The following AGPS variants were observed in gnomAD, a reference collection of about 807,000 sequenced individuals.
AGPS encodes alkylglycerone phosphate synthase, also known as alkyldihydroxyacetonephosphate synthase, peroxisomal.
In AGPS, 26 loss-of-function variants were observed where a neutral mutation model predicts 90.7. The observed-to-expected ratio is 0.29, with a 90% CI of 0.21 to 0.40. The LOEUF (loss-of-function observed/expected upper bound fraction) is 0.40. AGPS is among the 10% of genes least tolerant of loss of function. The pLI is 1.00. For synonymous variants in AGPS, 294 were observed against 285.3 expected (o/e 1.03, Z -0.31); for missense variants, 540 against 816.1 (o/e 0.66, Z 4.12).
At chr2:177,517,569 A>C (rs557958369) in intron 17 of AGPS, among the ~76,000 whole-genome samples, 38 of 152,274 alleles carry the variant, frequency 2.5e-4, no homozygotes, top group South Asian at 1.2e-3. Flanking sequence ...CTTTAAGTGC[A>C]GTATACTTAG....
At chr2:177,496,956 A>G (rs1688430943) in intron 12 of AGPS, among the ~76,000 whole-genome samples, 1 of 152,092 alleles carries the variant, frequency 6.6e-6, no homozygotes, top group African/African-American at 2.4e-5. Flanking sequence ...TATAAATGGT[A>G]TGACACCTTT....
intron 17 of AGPS, among the ~76,000 whole-genome samples, chr2:177,516,609 C>T (rs1207952771): frequency 1.3e-5 from 2 of 152,082 alleles, no homozygotes; most frequent in African/African-American, 4.8e-5. Context: ...CAATCAGGCC[C>T]ATCAAGCTTT....
chr2:177,436,640 C>T, intron 3 of AGPS, 124 bp from the exon 4 acceptor site: 1 of 891,596 alleles, frequency 1.1e-6, no homozygotes, highest in Non-Finnish European at 1.8e-6. Context: ...TTGTATTTTC[C>T]TATGCTTCAG....
At chr2:177,523,685 TTTTC>T in intron 18 of AGPS, 59 bp from the exon 19 acceptor site, 28 of 1,475,706 alleles carry the variant, frequency 1.9e-5, no homozygotes, top group Non-Finnish European at 2.7e-5. Flanking sequence ...AGTTGGGTCT[TTTTC>T]TTTCACTGCA....
At chr2:177,394,113 C>CT (rs1685102098) in intron 1 of AGPS, among the ~76,000 whole-genome samples, 1 of 152,182 alleles carries the variant, frequency 6.6e-6, no homozygotes, top group Non-Finnish European at 1.5e-5. Flanking sequence ...AGTTCCTAAG[C>CT]TATACTTGCT....
At chr2:177,464,660 AG>A (rs1334138510) in intron 9 of AGPS, among the ~76,000 whole-genome samples, 1 of 152,266 alleles carries the variant, frequency 6.6e-6, no homozygotes, top group Admixed American at 6.5e-5. Flanking sequence ...TTCTCAATTT[AG>A]TGAATGTCTC....
At chr2:177,456,985 A>T (rs1333599112) in intron 8 of AGPS, among the ~76,000 whole-genome samples, 1 of 152,216 alleles carries the variant, frequency 6.6e-6, no homozygotes, top group Non-Finnish European at 1.5e-5. Flanking sequence ...AAATCATAAC[A>T]AACAATCTCT....
chr2:177,442,590 T>C (rs915364974), intron 7 of AGPS, 104 bp downstream of exon 7: 2 of 958,582 alleles, frequency 2.1e-6, no homozygotes, highest in Non-Finnish European at 3.2e-6. Context: ...CTCACGCTTG[T>C]AATCCCAGCA....
chr2:177,518,876 G>A (rs1239944678), intron 17 of AGPS, among the ~76,000 whole-genome samples: 2 of 152,012 alleles, frequency 1.3e-5, no homozygotes, highest in Non-Finnish European at 2.9e-5. Flanking sequence ...GGAAGAAAAT[G>A]GGCGCACATA....
chr2:177,492,985 T>C (rs1257054401), intron 11 of AGPS, among the ~76,000 whole-genome samples, 163 bp from the exon 12 acceptor site: 6 of 152,214 alleles, frequency 3.9e-5, no homozygotes, highest in Non-Finnish European at 8.8e-5. Flanking sequence ...CATTGATATT[T>C]GTCTTCATAA....
chr2:177,412,524 GCTAATCGTTTTTTTAA>G (rs1386025363), intron 1 of AGPS, among the ~76,000 whole-genome samples: 2 of 152,108 alleles, frequency 1.3e-5, no homozygotes, highest in Non-Finnish European at 2.9e-5. Context: ...TGGCAGCCAC[GCTAATCGTTTTTTTAA>G]CTGGCCGACA....
chr2:177,405,737 C>G (rs987411967), intron 1 of AGPS, among the ~76,000 whole-genome samples: 4 of 145,824 alleles, frequency 2.7e-5, no homozygotes, highest in Non-Finnish European at 4.5e-5. Context: ...TCCTTCTCTT[C>G]CTAAGCTTAA....
chr2:177,486,777 A>T (rs971893747), intron 11 of AGPS, among the ~76,000 whole-genome samples: 1 of 91,566 alleles, frequency 1.1e-5, no homozygotes, highest in Admixed American at 1.4e-4. Flanking sequence ...AAATTAAGCA[A>T]CCTTATACTA....
intron 19 of AGPS, among the ~76,000 whole-genome samples, chr2:177,526,154 G>A (rs956931156): frequency 6.7e-6 from 1 of 150,292 alleles, no homozygotes; most frequent in Non-Finnish European, 1.5e-5. Context: ...CAAATAGTTA[G>A]AAAATGTTAA....
rs1008486846 is a variant in AGPS at position 177,458,778 on chromosome 2, C to T, written c.871-3115C>T. ...AGTAATTTGTAGATGCAATGCTATT[C>T]CCATCAAGCTACCACTTACTTTCTT... On this transcript the variant is annotated intron_variant, in intron 8 of 19. Coordinates refer to ENST00000264167, the MANE Select transcript of AGPS (RefSeq NM_003659.4). 2.6e-5 allele frequency among the ~76,000 whole-genome samples: 4 copies of T among 152,148 alleles called. No individual in the cohort carries two copies. In the South Asian group the frequency reaches 8.3e-4, roughly 32 times the overall value.
intron 1 of AGPS, among the ~76,000 whole-genome samples, chr2:177,403,113 T>C (rs901957622): frequency 2.6e-5 from 4 of 152,144 alleles, no homozygotes; most frequent in Non-Finnish European, 5.9e-5. Flanking sequence ...GCAATTACTT[T>C]GTGTCTTCCA....
At chr2:177,500,228 T>C (rs1289437292) in intron 14 of AGPS, among the ~76,000 whole-genome samples, 2 of 152,022 alleles carry the variant, frequency 1.3e-5, no homozygotes, top group Non-Finnish European at 2.9e-5. Flanking sequence ...ACAGAAAACA[T>C]TTCACATCTA....
chr2:177,401,732 A>T (rs1685336874), intron 1 of AGPS, among the ~76,000 whole-genome samples: 1 of 152,060 alleles, frequency 6.6e-6, no homozygotes, highest in South Asian at 2.1e-4. Flanking sequence ...TTTAGTAGAG[A>T]TGGGGTTTCA....
At chr2:177,458,237 C>T (rs59504156) in intron 8 of AGPS, among the ~76,000 whole-genome samples, 17,008 of 152,060 alleles carry the variant, frequency 0.11, 1,227 homozygotes, top group East Asian at 0.34. Context: ...AATATCATAC[C>T]GAATGGGCAA....
Sources: gnomAD v4.1 joint callset for allele counts (sites outside exome capture counted in the v4.1 genomes callset) on GRCh38, gnomAD v4.1.1 for gene constraint, MANE v1.5 for transcripts, NCBI Gene and HGNC (gene_info 2026-07-23, HGNC 2026-07-21) for gene names.